Variants in MAPK10 observed in about 807,000 individuals in gnomAD.
The protein encoded by MAPK10 is mitogen-activated protein kinase 10, also known as JNK3 alpha protein kinase.
A neutral mutation model predicts 59.3 loss-of-function variants in MAPK10; 25 were observed. The ratio of observed to expected loss-of-function variants is 0.42; its 90% CI spans 0.31 to 0.59. The LOEUF (loss-of-function observed/expected upper bound fraction) is 0.59. Ranked by LOEUF, MAPK10 falls within the 20% of genes least tolerant of loss-of-function variation. MAPK10 has a pLI of 0.15. For missense variants in MAPK10, 351 were observed against 568.9 expected, an observed-to-expected ratio of 0.62 and a Z score of 3.90; for synonymous variants, 190 against 200.5, an observed-to-expected ratio of 0.95 and a Z score of 0.44.
intron 1 of MAPK10, among the ~76,000 whole-genome samples, chr4:86,375,734 A>G (rs1274411627): frequency 6.6e-6 from 1 of 151,220 alleles, no homozygotes; most frequent in Non-Finnish European, 1.5e-5. Context: ...AAAAAAAAAA[A>G]AAAAAAAAAT....
intron 1 of MAPK10, among the ~76,000 whole-genome samples, chr4:86,409,731 T>C (rs1412367902): frequency 6.6e-6 from 1 of 152,210 alleles, no homozygotes. Flanking sequence ...GGAATGCTTG[T>C]GATTTTTGCA....
chr4:86,446,816 C>T (rs1750105691), intron 1 of MAPK10, among the ~76,000 whole-genome samples: 1 of 152,102 alleles, frequency 6.6e-6, no homozygotes, highest in African/African-American at 2.4e-5. Flanking sequence ...TAAGGTTGAT[C>T]ATCTTTTCAT....
chr4:86,098,669 G>C lies in MAPK10; in HGVS notation c.731-74C>G. 3 of 1,227,336 alleles carry C rather than the reference G, an allele frequency of 2.4e-6. No homozygotes were observed. In the South Asian group the frequency reaches 3.7e-5, roughly 15 times the overall value. The allele number at this position is 1,227,336 out of a possible 1,614,324, so 76.0% of individuals were successfully genotyped here. On this transcript the variant is annotated intron_variant, in intron 8 of 13. Transcript: ENST00000641462. ...TAACTAAGATAATTGACTTCTGAAG[G>C]AGGAGGAAAAAGAACAGTTTGATTA...
intron 2 of MAPK10, among the ~76,000 whole-genome samples, chr4:86,228,476 T>C (rs932480274): frequency 6.6e-6 from 1 of 152,196 alleles, no homozygotes; most frequent in Non-Finnish European, 1.5e-5. Context: ...CCTTCTCCCA[T>C]ATACTTCTAC....
At position 86,318,166 on chromosome 4, in the gene MAPK10, T is replaced by C. The variant is rs542012924; in HGVS notation, c.-7+36364A>G. Reference sequence around the variant, plus strand: ...ACCGTCTCTCCAAATAAAATTAAAATAACATCCATAGGTTTCTGGTGGACA... The same window carrying C: ...ACCGTCTCTCCAAATAAAATTAAAACAACATCCATAGGTTTCTGGTGGACA... On this transcript the variant is annotated intron_variant, in intron 2 of 13. Coordinates refer to ENST00000641462, the MANE Select transcript of MAPK10 (RefSeq NM_138982.4). 4.1e-3 allele frequency among the ~76,000 whole-genome samples: 630 copies of C among 152,264 alleles called. 1 individual carries two copies. Among genetic ancestry groups the C allele is most frequent in the African/African-American group, 0.014 (589 of 41,544 alleles).
upstream of MAPK10, among the ~76,000 whole-genome samples, chr4:86,363,805 C>T (rs1737384242): frequency 6.6e-6 from 1 of 151,756 alleles, no homozygotes; most frequent in African/African-American, 2.4e-5. Flanking sequence ...TTTTTTGAGA[C>T]AGGGTCTCAC....
chr4:86,487,596 TG>T (rs1369351976), intron 1 of MAPK10, among the ~76,000 whole-genome samples: 1 of 151,866 alleles, frequency 6.6e-6, no homozygotes, highest in Non-Finnish European at 1.5e-5. Flanking sequence ...CCAGGCATGG[TG>T]GCAGGTGCCT....
At chr4:86,371,169 G>A (rs1199036468) in intron 1 of MAPK10, among the ~76,000 whole-genome samples, 6 of 152,164 alleles carry the variant, frequency 3.9e-5, no homozygotes, top group Non-Finnish European at 8.8e-5. Context: ...ACTACCTTAT[G>A]ATAAGTCAAA....
intron 2 of MAPK10, among the ~76,000 whole-genome samples, chr4:86,212,419 G>C (rs2086102812): frequency 6.6e-6 from 1 of 152,060 alleles, no homozygotes; most frequent in African/African-American, 2.4e-5. Flanking sequence ...CTACTCAGGA[G>C]ACTGAGGCAG....
chr4:86,017,048 T>C lies in MAPK10; in HGVS notation c.*180A>G. ...AATATACATTTGAGCTTAGCTGCAA[T>C]ACAGAACCCTGGGGAAGAAGCAGGC... is the stretch of plus-strand genomic sequence containing the variant. On this transcript the variant is annotated 3_prime_UTR_variant, in exon 14 of 14. Transcript: ENST00000641462. This position sits in a 1 kb window ranked among gnomAD's most constrained non-coding sequence, Gnocchi z 4.4. The C allele has an allele frequency of 1.5e-6, 1 of 649,952 alleles. No individual in the cohort carries two copies. The highest frequency in any genetic ancestry group is 2.6e-6 in the Non-Finnish European group (1 of 391,240). The allele number at this position is 649,952 out of a possible 1,614,324, so 40.3% of individuals were successfully genotyped here. A position where few individuals can be genotyped will look rare whatever the true frequency, so the allele number is the denominator to read the frequency against.
chr4:86,336,819 C>A (rs960424679), intron 2 of MAPK10, among the ~76,000 whole-genome samples: 6 of 102,360 alleles, frequency 5.9e-5, no homozygotes, highest in African/African-American at 1.9e-4. Context: ...GAGACGGAGT[C>A]TTGCACTGTC....
intron 1 of MAPK10, among the ~76,000 whole-genome samples, chr4:86,547,674 T>A (rs2149098237): frequency 6.6e-6 from 1 of 152,352 alleles, no homozygotes; most frequent in East Asian, 1.9e-4. Flanking sequence ...GCAGCCTCCA[T>A]TCAGGATCCA....
intron 2 of MAPK10, chr4:86,332,811 G>A (rs545390704): frequency 6.6e-6 from 1 of 152,296 alleles, no homozygotes; most frequent in Admixed American, 6.5e-5. Flanking sequence ...TTTATGGCTG[G>A]TTAAAATTCA....
chr4:86,132,999 A>T (rs907002823), intron 4 of MAPK10, among the ~76,000 whole-genome samples: 1 of 152,234 alleles, frequency 6.6e-6, no homozygotes, highest in African/African-American at 2.4e-5. Flanking sequence ...CCCCAGGCCC[A>T]TGGAAAAACT....
intron 2 of MAPK10, among the ~76,000 whole-genome samples, chr4:86,205,649 T>C (rs1031734176): frequency 3.3e-5 from 5 of 151,990 alleles, no homozygotes. Flanking sequence ...TATACAAGCA[T>C]GTGGCAAATT....
chr4:86,118,559 T>C (rs899858609), intron 4 of MAPK10, among the ~76,000 whole-genome samples: 5 of 135,992 alleles, frequency 3.7e-5, no homozygotes, highest in African/African-American at 1.4e-4. Context: ...CCTCCTTGTA[T>C]GTATTTATAT....
At chr4:86,124,505 T>G (rs2059765437) in intron 4 of MAPK10, 1 of 151,908 alleles carries the variant, frequency 6.6e-6, no homozygotes, top group Admixed American at 6.6e-5. Context: ...AAATGTTTAA[T>G]CATAGTATTT....
At position 86,019,858 on chromosome 4, in the gene MAPK10, T is replaced by G. The variant is rs575564939; in HGVS notation, c.1253-2488A>C. Among the ~76,000 whole-genome samples, 522 of 152,356 alleles carry G rather than the reference T, an allele frequency of 3.4e-3. 1 individual carries two copies. The highest frequency in any genetic ancestry group is 4.9e-3 in the Non-Finnish European group (335 of 68,030). On this transcript the variant is annotated intron_variant, in intron 13 of 13. Transcript: ENST00000641462. ...GACATATCCCTAGACTATGGATGCC[T>G]TTCAAATTATGGTGCTACAGCTTAA... is the stretch of plus-strand genomic sequence containing the variant.
intron 6 of MAPK10, 66 bp from the exon 7 acceptor site, chr4:86,102,098 A>T (rs1025621935): frequency 7.1e-7 from 1 of 1,410,870 alleles, no homozygotes; most frequent in Admixed American, 1.7e-5. Flanking sequence ...TGATTTAGTC[A>T]GAATGCTCTC....
Sources: gnomAD v4.1 joint callset for allele counts (sites outside exome capture counted in the v4.1 genomes callset) on GRCh38, gnomAD v4.1.1 for gene constraint, Gnocchi (gnomAD v3.1) non-coding constraint, MANE v1.5 for transcripts, NCBI Gene and HGNC (gene_info 2026-07-23, HGNC 2026-07-21) for gene names.